ZFYVE9: variants seen among roughly 807,000 people sequenced by gnomAD.
ZFYVE9 encodes the protein zinc finger FYVE-type containing 9.
ZFYVE9 carries 43 observed loss-of-function variants against 126.7 expected under a neutral mutation model. That is an observed-to-expected ratio of 0.34 (90% CI 0.27 to 0.44). ZFYVE9 has a LOEUF of 0.44. Among genes scored for constraint, ZFYVE9 ranks in the 20% least tolerant of loss-of-function variants. ZFYVE9 has a pLI of 1.00. For synonymous variants in ZFYVE9, 521 were observed against 597.4 expected (o/e 0.87, Z 1.87); for missense variants, 1,476 against 1,697.0 (o/e 0.87, Z 2.29).
chr1:52,242,541 CT>C lies in ZFYVE9; in HGVS notation c.2178+2959del, dbSNP rs36041089. On this transcript the variant is annotated intron_variant, in intron 4 of 18. Coordinates refer to ENST00000287727, the MANE Select transcript of ZFYVE9 (RefSeq NM_004799.4). ...AATACTGTTTCTTAATGCAGCAGTACTTTTTTTTTTTTTAAATCCAGTGCCT... is the reference window on the plus strand; with the variant it reads ...AATACTGTTTCTTAATGCAGCAGTACTTTTTTTTTTTTAAATCCAGTGCCT... Among the ~76,000 whole-genome samples the C allele has an allele frequency of 4.6e-3, 664 of 144,060 alleles. 3 individuals are homozygous for C. The highest frequency in any genetic ancestry group is 7.2e-3 in the East Asian group (36 of 4,976). 94.5% of individuals were successfully genotyped at this position (144,060 alleles called of 152,430 possible). A position where few individuals can be genotyped will look rare whatever the true frequency, so the allele number is the denominator to read the frequency against.
intron 1 of ZFYVE9, among the ~76,000 whole-genome samples, chr1:52,168,985 C>T (rs12059711): frequency 0.036 from 5,413 of 152,256 alleles, 234 homozygotes; most frequent in African/African-American, 0.11. Context: ...CTCCCTTAAT[C>T]TGTGCTTTGT....
chr1:52,346,569 A>C lies in ZFYVE9; in HGVS notation c.*348A>C. 1 of 407,004 alleles carries C rather than the reference A, an allele frequency of 2.5e-6. No individual in the cohort carries two copies. Among genetic ancestry groups the C allele is most frequent in the East Asian group, 3.5e-5 (1 of 28,616 alleles). The allele number at this position is 407,004 out of a possible 1,614,324, so 25.2% of individuals were successfully genotyped here. A position where few individuals can be genotyped will look rare whatever the true frequency, so the allele number is the denominator to read the frequency against. Reference sequence around the variant, plus strand: ...TATGGTCATGTGCTCAGAAATGCTCAAATGGGTACAACCATCACCAAGGGT... The same window carrying C: ...TATGGTCATGTGCTCAGAAATGCTCCAATGGGTACAACCATCACCAAGGGT... On this transcript the variant is annotated 3_prime_UTR_variant, in exon 19 of 19. Transcript: ENST00000287727.
intron 2 of ZFYVE9, among the ~76,000 whole-genome samples, chr1:52,222,722 G>C (rs1269160767): frequency 6.6e-6 from 1 of 152,224 alleles, no homozygotes; most frequent in Non-Finnish European, 1.5e-5. Flanking sequence ...ATGGATTGGA[G>C]GAACCTGTAG....
intron 4 of ZFYVE9, among the ~76,000 whole-genome samples, chr1:52,262,673 G>A (rs778311614): frequency 1.2e-4 from 19 of 152,144 alleles, no homozygotes; most frequent in Non-Finnish European, 2.4e-4. Flanking sequence ...GTAAAGTATA[G>A]GATGCTTCTT....
intron 1 of ZFYVE9, among the ~76,000 whole-genome samples, chr1:52,194,326 C>T (rs1211465040): frequency 6.6e-6 from 1 of 151,578 alleles, no homozygotes; most frequent in African/African-American, 2.4e-5. Flanking sequence ...AATACAGAAG[C>T]CAAAAATGAA....
At position 52,289,593 on chromosome 1, in the gene ZFYVE9, G is replaced by C. The variant is rs578111466; in HGVS notation, c.3026-3860G>C. On this transcript the variant is annotated intron_variant, in intron 10 of 18. Coordinates refer to ENST00000287727, the MANE Select transcript of ZFYVE9 (RefSeq NM_004799.4). ...CGTTGAGAAGTACCTATATAAATTA[G>C]TACATTACAGACTTTATGAATTCAA... Among the ~76,000 whole-genome samples, 20 of 152,222 alleles carry C rather than the reference G, an allele frequency of 1.3e-4. No homozygotes were observed. In the South Asian group the frequency reaches 4.1e-3, roughly 32 times the overall value.
chr1:52,265,253 G>A (rs1045463256), intron 5 of ZFYVE9, among the ~76,000 whole-genome samples: 11 of 151,942 alleles, frequency 7.2e-5, no homozygotes, highest in African/African-American at 2.7e-4. Flanking sequence ...GATGCTTTTC[G>A]GTGTTCCCTA....
At chr1:52,168,362 G>A (rs1321349897) in intron 1 of ZFYVE9, among the ~76,000 whole-genome samples, 1 of 151,482 alleles carries the variant, frequency 6.6e-6, no homozygotes, top group Non-Finnish European at 1.5e-5. Context: ...GGCTACAGGC[G>A]CACACCACCA....
chr1:52,316,528 A>G (rs1027987377), intron 13 of ZFYVE9, among the ~76,000 whole-genome samples: 8 of 152,144 alleles, frequency 5.3e-5, no homozygotes, highest in African/African-American at 1.9e-4. Flanking sequence ...TAGCATAGTA[A>G]TATTAATTAA....
intron 1 of ZFYVE9, among the ~76,000 whole-genome samples, chr1:52,185,190 T>G (rs1644753825): frequency 6.6e-6 from 1 of 152,170 alleles, no homozygotes; most frequent in Non-Finnish European, 1.5e-5. Flanking sequence ...CTAGTTCAGC[T>G]TTTTCATTGA....
chr1:52,317,852 C>T (rs1314312286), intron 13 of ZFYVE9, among the ~76,000 whole-genome samples: 1 of 152,142 alleles, frequency 6.6e-6, no homozygotes, highest in Non-Finnish European at 1.5e-5. Context: ...TAAGTTTTCA[C>T]AGCTCTCAAG....
intron 3 of ZFYVE9, among the ~76,000 whole-genome samples, chr1:52,234,729 A>G (rs1489662012): frequency 6.6e-6 from 1 of 152,216 alleles, no homozygotes; most frequent in East Asian, 1.9e-4. Context: ...TTCCTGGTTC[A>G]TGTAAATGTG....
chr1:52,315,683 GA>G (rs1467429935), intron 13 of ZFYVE9, among the ~76,000 whole-genome samples: 4 of 152,044 alleles, frequency 2.6e-5, no homozygotes, highest in African/African-American at 9.7e-5. Context: ...AATCATAAAA[GA>G]AGGCTGAAAA....
intron 3 of ZFYVE9, 53 bp from the exon 4 acceptor site, chr1:52,237,435 A>G: frequency 6.9e-7 from 1 of 1,443,016 alleles, no homozygotes; most frequent in Non-Finnish European, 9.4e-7. Context: ...ACTTAGTCAT[A>G]AGCTTTTCCA....
chr1:52,235,018 G>T (rs975610536), intron 3 of ZFYVE9, among the ~76,000 whole-genome samples: 4 of 152,012 alleles, frequency 2.6e-5, no homozygotes, highest in Non-Finnish European at 5.9e-5. Flanking sequence ...TTCTATTAGG[G>T]TGCTTTGTGT....
chr1:52,157,790 G>A (rs74778926), intron 1 of ZFYVE9, among the ~76,000 whole-genome samples: 1,565 of 152,196 alleles, frequency 0.01, 14 homozygotes, highest in Non-Finnish European at 0.014. Context: ...ATAATGGTAA[G>A]AGTTCACTAG....
intron 12 of ZFYVE9, 59 bp from the exon 13 acceptor site, chr1:52,303,762 T>TAAATTAA: frequency 9.3e-7 from 1 of 1,072,730 alleles, no homozygotes; most frequent in Non-Finnish European, 1.3e-6. Flanking sequence ...TTTATTACTA[T>TAAATTAA]AAATTAAACC....
intron 15 of ZFYVE9, among the ~76,000 whole-genome samples, chr1:52,336,387 TAAGATGGAGGCTTG>T (rs1646390048): frequency 6.9e-6 from 1 of 145,388 alleles, no homozygotes; most frequent in Non-Finnish European, 1.5e-5. Context: ...TTTTTTTTTT[TAAGATGGAGGCTTG>T]TAGCCCAGGC....
chr1:52,334,543 T>G, intron 14 of ZFYVE9, 145 bp from the exon 15 acceptor site: 7 of 710,982 alleles, frequency 9.8e-6, no homozygotes, highest in Middle Eastern at 4.2e-4. Context: ...GTTGGTTACA[T>G]GTTTATTGTG....
Sources: gnomAD v4.1 joint callset for allele counts (sites outside exome capture counted in the v4.1 genomes callset) on GRCh38, gnomAD v4.1.1 for gene constraint, MANE v1.5 for transcripts, NCBI Gene and HGNC (gene_info 2026-07-23, HGNC 2026-07-21) for gene names.